Variants in PCDH9 observed in about 807,000 individuals in gnomAD.
PCDH9 encodes the protein protocadherin-9.
In PCDH9, 24 loss-of-function variants were observed where a neutral mutation model predicts 70.6. The ratio of observed to expected loss-of-function variants is 0.34; its 90% confidence interval spans 0.25 to 0.48. The LOEUF is 0.48. Among genes scored for constraint, PCDH9 ranks in the 20% least tolerant of loss-of-function variants. The pLI is 0.99. For synonymous variants in PCDH9, 562 were observed against 558.5 expected (o/e 1.01, Z -0.09); for missense variants, 1,281 against 1,503.6 (o/e 0.85, Z 2.45).
At chr13:66,902,300 A>G (rs1327046683) in intron 3 of PCDH9, among the ~76,000 whole-genome samples, 1 of 151,770 alleles carries the variant, frequency 6.6e-6, no homozygotes, top group African/African-American at 2.4e-5. Context: ...GCAGAGAATT[A>G]GGGGATAGAG....
chr13:66,368,768 G>T (rs1183535708), intron 4 of PCDH9, among the ~76,000 whole-genome samples: 3 of 152,012 alleles, frequency 2.0e-5, no homozygotes, highest in African/African-American at 7.2e-5. Context: ...GTTCCACATG[G>T]CTGGGAGGCC....
At position 66,806,880 on chromosome 13, in the gene PCDH9, C is replaced by T. The variant is rs142778384; in HGVS notation, c.3138+96624G>A. Among the ~76,000 whole-genome samples the T allele has an allele frequency of 1.1e-3, 171 of 152,174 alleles. 1 individual carries two copies. The highest frequency in any genetic ancestry group is 3.8e-3 in the African/African-American group (157 of 41,518). ...TAGCAATTGTTTTGCACTTTTCAAA[C>T]GGAAAACAGGGCCATTTGTATCCAT... On this transcript the variant is annotated intron_variant, in intron 3 of 4. Coordinates refer to ENST00000377865, the MANE Select transcript of PCDH9 (RefSeq NM_203487.3).
At chr13:67,142,519 T>A (rs1421920210) in intron 2 of PCDH9, among the ~76,000 whole-genome samples, 1 of 152,194 alleles carries the variant, frequency 6.6e-6, no homozygotes, top group East Asian at 1.9e-4. Context: ...ACTACTCTCC[T>A]CCTGGTAATT....
chr13:66,678,324 T>C (rs2078272322), intron 3 of PCDH9, among the ~76,000 whole-genome samples: 1 of 152,090 alleles, frequency 6.6e-6, no homozygotes, highest in South Asian at 2.1e-4. Context: ...TAAGTGTGTA[T>C]ATAAATTAAC....
At chr13:66,408,106 C>T (rs1486447138) in intron 4 of PCDH9, among the ~76,000 whole-genome samples, 2 of 144,182 alleles carry the variant, frequency 1.4e-5, no homozygotes, top group African/African-American at 2.5e-5. Flanking sequence ...GGCCGGACTG[C>T]GGACTGCAGT....
intron 2 of PCDH9, among the ~76,000 whole-genome samples, chr13:67,111,626 CT>C (rs1245029629): frequency 5.3e-5 from 8 of 152,022 alleles, no homozygotes; most frequent in African/African-American, 1.4e-4. Flanking sequence ...AAATTGACTA[CT>C]TTTTTTGCCA....
intron 4 of PCDH9, among the ~76,000 whole-genome samples, chr13:66,399,436 C>T (rs1359769504): frequency 6.6e-6 from 1 of 152,150 alleles, no homozygotes; most frequent in African/African-American, 2.4e-5. Context: ...TTCCTCTCTG[C>T]TCCTCTTCTT....
chr13:66,399,894 T>C (rs1353433633), intron 4 of PCDH9, among the ~76,000 whole-genome samples: 1 of 152,136 alleles, frequency 6.6e-6, no homozygotes, highest in East Asian at 1.9e-4. Flanking sequence ...TTTAATTTGT[T>C]AAGTGGGAAA....
At chr13:66,961,821 G>A (rs1346479020) in intron 2 of PCDH9, among the ~76,000 whole-genome samples, 1 of 151,982 alleles carries the variant, frequency 6.6e-6, no homozygotes, top group East Asian at 1.9e-4. Context: ...GGGAGGCTGA[G>A]GCGGGTGGCT....
chr13:66,564,423 C>G (rs984819216), intron 4 of PCDH9, among the ~76,000 whole-genome samples: 1 of 152,074 alleles, frequency 6.6e-6, no homozygotes, highest in Admixed American at 6.5e-5. Context: ...CCTTTGACCT[C>G]TCAAAGTGCT....
intron 4 of PCDH9, among the ~76,000 whole-genome samples, chr13:66,394,072 C>G (rs1055233057): frequency 1.3e-4 from 20 of 152,168 alleles, no homozygotes; most frequent in Middle Eastern, 3.4e-3. Context: ...TGGAAGGTGA[C>G]TTAGTGGGCT....
intron 2 of PCDH9, among the ~76,000 whole-genome samples, chr13:67,086,356 A>G (rs930822572): frequency 4.6e-5 from 7 of 152,326 alleles, no homozygotes; most frequent in African/African-American, 1.2e-4. Flanking sequence ...GTTACACAGC[A>G]CAAACTTTGC....
chr13:66,398,697 C>A (rs146287806), intron 4 of PCDH9, among the ~76,000 whole-genome samples: 1 of 152,102 alleles, frequency 6.6e-6, no homozygotes, highest in African/African-American at 2.4e-5. Context: ...CTATTCATGT[C>A]AATCACCAGA....
In PCDH9 at chr13:66,757,811, C is replaced by T. The variant is rs573788652; in HGVS notation, c.3139-126400G>A. 2.4e-4 allele frequency among the ~76,000 whole-genome samples: 37 copies of T among 152,096 alleles called. No individual in the cohort carries two copies. In the South Asian group the frequency reaches 7.5e-3, roughly 31 times the overall value. ...AAAGTTTGATGTAGACATAAAAGCA[C>T]AGAAAATGAAAATATACCAATTTCT... On this transcript the variant is annotated intron_variant, in intron 3 of 4. Coordinates refer to ENST00000377865, the MANE Select transcript of PCDH9 (RefSeq NM_203487.3).
chr13:66,660,756 C>G (rs2077997237), intron 3 of PCDH9, among the ~76,000 whole-genome samples: 1 of 151,898 alleles, frequency 6.6e-6, no homozygotes, highest in African/African-American at 2.4e-5. Context: ...GGGAGGATAT[C>G]AGTTTAAATA....
At chr13:66,964,494 T>A (rs2083400028) in intron 2 of PCDH9, among the ~76,000 whole-genome samples, 1 of 152,104 alleles carries the variant, frequency 6.6e-6, no homozygotes, top group Non-Finnish European at 1.5e-5. Context: ...CATTAGCTTT[T>A]TCACTTCAAT....
intron 3 of PCDH9, among the ~76,000 whole-genome samples, chr13:66,640,836 T>C (rs2077699267): frequency 6.6e-6 from 1 of 152,184 alleles, no homozygotes; most frequent in African/African-American, 2.4e-5. Context: ...CAACTGATCT[T>C]GTGTCACACA....
chr13:66,559,164 T>A (rs1349104702), intron 4 of PCDH9, among the ~76,000 whole-genome samples: 1 of 152,156 alleles, frequency 6.6e-6, no homozygotes, highest in Non-Finnish European at 1.5e-5. Flanking sequence ...GAATGAAAGA[T>A]CTAAACCTTC....
At chr13:67,054,259 A>G (rs1453531598) in intron 2 of PCDH9, among the ~76,000 whole-genome samples, 2 of 152,204 alleles carry the variant, frequency 1.3e-5, no homozygotes, top group Non-Finnish European at 2.9e-5. Flanking sequence ...CTCTTTTGAA[A>G]TTGTATTATT....
Sources: allele counts gnomAD v4.1 joint callset (sites outside exome capture counted in the v4.1 genomes callset), GRCh38; gene constraint gnomAD v4.1.1; transcripts MANE v1.5; gene names NCBI Gene and HGNC (gene_info 2026-07-23, HGNC 2026-07-21).